Variants in ATR observed in about 807,000 individuals in gnomAD.
The protein encoded by ATR is serine/threonine-protein kinase ATR.
In ATR, 142 loss-of-function variants were observed where a neutral mutation model predicts 305.3. That is an observed-to-expected ratio of 0.47 (90% CI 0.41 to 0.53). ATR has a LOEUF of 0.53. Among genes scored for constraint, ATR ranks in the 20% least tolerant of loss-of-function variants. The pLI is 0.00. For synonymous variants in ATR, 1,050 were observed against 1,068.1 expected (o/e 0.98, Z 0.33); for missense variants, 2,135 against 3,133.1 (o/e 0.68, Z 7.60).
rs1218314907 is a variant in ATR, at chr3:142,465,172, G to A, written c.6966C>T (p.Tyr2322=). 2 of 1,608,896 alleles carry A rather than the reference G, an allele frequency of 1.2e-6. No individual in the cohort carries two copies. The highest frequency in any genetic ancestry group is 2.7e-5 in the African/African-American group (2 of 74,786). ...CATCTTTTGGCTTACACATCATGATGTAGAACTTTCCATCTGAGCCTTTTA... is the reference window on the plus strand; with the variant it reads ...CATCTTTTGGCTTACACATCATGATATAGAACTTTCCATCTGAGCCTTTTA... The part of the protein sequence containing the change: ...ISLKGSDGKF[Y]IMMCKPKDDL... The change falls in exon 41 of 47, where the codon TAC becomes TAT. Residue 2322 remains tyrosine, a synonymous_variant. Coordinates refer to ENST00000350721, the MANE Select transcript of ATR (RefSeq NM_001184.4).
chr3:142,569,311 T>A (rs979865671), intron 1 of ATR, among the ~76,000 whole-genome samples: 2 of 152,274 alleles, frequency 1.3e-5, no homozygotes, highest in Admixed American at 1.3e-4. Context: ...TGGGTGTTTT[T>A]TTATTATTAT....
intron 36 of ATR, 72 bp downstream of exon 36, chr3:142,485,066 CAT>C (rs1429560566): frequency 1.9e-6 from 3 of 1,577,532 alleles, no homozygotes; most frequent in Non-Finnish European, 2.6e-6. Context: ...TATGCTAAGA[CAT>C]GTGATAACAG....
intron 4 of ATR, among the ~76,000 whole-genome samples, chr3:142,561,865 G>T (rs1006785924): frequency 1.3e-5 from 2 of 152,142 alleles, no homozygotes; most frequent in Non-Finnish European, 2.9e-5. Flanking sequence ...TCATTCATAG[G>T]TTTTCTAAAA....
At chr3:142,523,191 G>A (rs150533929) in intron 22 of ATR, among the ~76,000 whole-genome samples, 17 of 152,270 alleles carry the variant, frequency 1.1e-4, no homozygotes, top group Non-Finnish European at 2.4e-4. Context: ...GGAGGCCAAG[G>A]AGAGCGGATC....
At chr3:142,453,077 A>C (rs1271234354) in intron 46 of ATR, 51 bp downstream of exon 46, 1 of 1,612,016 alleles carries the variant, frequency 6.2e-7, no homozygotes, top group South Asian at 1.1e-5. Flanking sequence ...TATCAAGTTC[A>C]TTTGTAGAGA....
At chr3:142,450,860 C>T (rs997921853) in intron 46 of ATR, 3 of 1,337,830 alleles carry the variant, frequency 2.2e-6, no homozygotes, top group Non-Finnish European at 1.9e-6. Flanking sequence ...GAAGTGTTCT[C>T]CGACCAAGCA....
intron 16 of ATR, 47 bp downstream of exon 16, chr3:142,547,678 A>G: frequency 1.3e-6 from 2 of 1,581,326 alleles, no homozygotes; most frequent in Admixed American, 3.4e-5. Context: ...TTAAGCTGCA[A>G]AAGGAAGAAA....
rs542549486 is a variant in ATR, at chr3:142,464,706, TGAG to T, written c.7041+388_7041+390del. Among the ~76,000 whole-genome samples the T allele has an allele frequency of 1.7e-4, 26 of 152,266 alleles. 1 individual carries two copies. In the South Asian group the frequency reaches 5.4e-3, roughly 32 times the overall value. On this transcript the variant is annotated intron_variant, in intron 41 of 46. Coordinates refer to ENST00000350721, the MANE Select transcript of ATR (RefSeq NM_001184.4). ...AAAGTAAATGGTGGCTGCTGGAGGCTGAGGAGAAGGGAAATAGGAAGTTAATTG... is the reference window on the plus strand; with the variant it reads ...AAAGTAAATGGTGGCTGCTGGAGGCTGAGAAGGGAAATAGGAAGTTAATTG...
At chr3:142,498,810 T>C in intron 31 of ATR, 36 bp from the exon 32 acceptor site, 1 of 1,602,482 alleles carries the variant, frequency 6.2e-7, no homozygotes, top group Non-Finnish European at 8.5e-7. Flanking sequence ...AATGTCACGG[T>C]AGCTGGGTCC....
At position 142,459,281 on chromosome 3, in the gene ATR, T is replaced by C. The variant is rs1304591618; in HGVS notation, c.7295A>G (p.His2432Arg). The C allele has an allele frequency of 1.3e-5, 21 of 1,613,984 alleles. No homozygotes were observed. Among genetic ancestry groups the C allele is most frequent in the Non-Finnish European group, 1.7e-5 (20 of 1,179,868 alleles). ...KVFREFLLPR[H>R]PPIFHEWFLR... ...AAACCACTCATGAAAAATAGGAGGA[T>C]GCCTGGGCAGGAGAAATTCTCGGAA... Residue 2432 changes from histidine to arginine, a missense_variant, in exon 43 of 47, where the codon CAT becomes CGT. Transcript: ENST00000350721.
chr3:142,524,284 G>T (rs1470979928), intron 21 of ATR, 85 bp from the exon 22 acceptor site: 2 of 1,256,468 alleles, frequency 1.6e-6, no homozygotes, highest in Non-Finnish European at 2.2e-6. Context: ...AAAATATTAA[G>T]GAATATCTAA....
Position 142,457,761 on chromosome 3 carries a change from A to G in ATR, c.7504-6T>C, listed in dbSNP as rs1347342174. 2 of 1,613,328 alleles carry G rather than the reference A, an allele frequency of 1.2e-6. No homozygotes were observed. Among genetic ancestry groups the G allele is most frequent in the South Asian group, 2.2e-5 (2 of 91,042 alleles). On this transcript the variant is annotated splice_region_variant and splice_polypyrimidine_tract_variant and intron_variant, in intron 44 of 46. Coordinates refer to ENST00000350721, the MANE Select transcript of ATR (RefSeq NM_001184.4). ...GGAACTTCAAAGGTTTCTCCCTTAG[A>G]AACAATACATTTTATTACAAACTAA... is the stretch of plus-strand genomic sequence containing the variant.
At chr3:142,506,002 A>C (rs2032215802) in intron 28 of ATR, among the ~76,000 whole-genome samples, 1 of 152,226 alleles carries the variant, frequency 6.6e-6, no homozygotes, top group East Asian at 1.9e-4. Context: ...ATGGTCAATG[A>C]TACTGAGGTT....
chr3:142,484,683 C>A (rs1284823181), intron 36 of ATR, among the ~76,000 whole-genome samples: 1 of 152,068 alleles, frequency 6.6e-6, no homozygotes, highest in Admixed American at 6.5e-5. Flanking sequence ...TCCAGAGGCC[C>A]AGACTTGCAA....
At chr3:142,494,512 TGGA>T (rs927004053) in intron 34 of ATR, among the ~76,000 whole-genome samples, 3 of 152,020 alleles carry the variant, frequency 2.0e-5, no homozygotes, top group Admixed American at 6.6e-5. Context: ...TATAGGAAAA[TGGA>T]GGAGAACTAC....
chr3:142,562,060 A>G (rs1425788025), intron 4 of ATR, among the ~76,000 whole-genome samples, 172 bp downstream of exon 4: 1 of 150,984 alleles, frequency 6.6e-6, no homozygotes, highest in Non-Finnish European at 1.5e-5. Context: ...TTCTGAAATC[A>G]AAGTAAAAGT....
At chr3:142,516,715 A>G (rs2032875109) in intron 24 of ATR, among the ~76,000 whole-genome samples, 1 of 152,132 alleles carries the variant, frequency 6.6e-6, no homozygotes, top group Non-Finnish European at 1.5e-5. Context: ...TATTCCTTCT[A>G]AGTATAATTC....
intron 27 of ATR, among the ~76,000 whole-genome samples, chr3:142,509,790 A>G (rs1388976244): frequency 6.6e-6 from 1 of 151,848 alleles, no homozygotes; most frequent in Non-Finnish European, 1.5e-5. Flanking sequence ...AAGGTATTGT[A>G]CTTTTGAATC....
At position 142,553,416 on chromosome 3, in the gene ATR, A is replaced by G. The variant is rs901823613; in HGVS notation, c.2634-18T>C. ...TTGCGGCCCTAAAATTAAAAACAAC[A>G]TACATATGAATACACAAACACACAC... On this transcript the variant is annotated intron_variant, in intron 12 of 46. Transcript: ENST00000350721. 9.4e-6 allele frequency: 15 copies of G among 1,599,074 alleles called. No homozygotes were observed. Among genetic ancestry groups the G allele is most frequent in the Non-Finnish European group, 1.2e-5 (14 of 1,169,704 alleles).
Sources: gnomAD v4.1 joint callset for allele counts (sites outside exome capture counted in the v4.1 genomes callset) on GRCh38, gnomAD v4.1.1 for gene constraint, MANE v1.5 for transcripts, NCBI Gene and HGNC (gene_info 2026-07-23, HGNC 2026-07-21) for gene names.